Variants in CSMD1 observed in about 807,000 individuals in gnomAD.
The protein encoded by CSMD1 is CUB and Sushi multiple domains 1.
Under a neutral mutation model 417.5 loss-of-function variants are expected in CSMD1, and 213 were observed. The ratio of observed to expected loss-of-function variants is 0.51; its 90% CI spans 0.46 to 0.57. The LOEUF (loss-of-function observed/expected upper bound fraction) is 0.57, where lower values mean the gene tolerates loss of function less well. Among genes scored for constraint, CSMD1 ranks in the 20% least tolerant of loss-of-function variants. The probability of loss-of-function intolerance (pLI) is 0.00; values close to 1 mark genes in which losing one functional copy is unlikely to be tolerated. For synonymous variants in CSMD1, 2,862 were observed against 1,736.8 expected, an observed-to-expected ratio of 1.65 and a Z score of -16.11; for missense variants, 6,923 against 4,529.7, an observed-to-expected ratio of 1.53 and a Z score of -15.17.
intron 1 of CSMD1, among the ~76,000 whole-genome samples, chr8:4,733,971 CT>C (rs1370068813): frequency 6.6e-6 from 1 of 152,156 alleles, no homozygotes; most frequent in Non-Finnish European, 1.5e-5. Context: ...AATTATGCCC[CT>C]ATGCATGTGA....
intron 5 of CSMD1, among the ~76,000 whole-genome samples, chr8:3,939,737 G>A (rs1054716198): frequency 4.6e-5 from 7 of 152,106 alleles, no homozygotes; most frequent in Non-Finnish European, 7.4e-5. Flanking sequence ...TGAACCTGGA[G>A]ACCATTAGTC....
At chr8:3,652,229 C>G (rs778882052) in intron 7 of CSMD1, among the ~76,000 whole-genome samples, 1 of 151,288 alleles carries the variant, frequency 6.6e-6, no homozygotes, top group Non-Finnish European at 1.5e-5. Context: ...GCCATCACCA[C>G]CAGAGCGCCT....
intron 3 of CSMD1, among the ~76,000 whole-genome samples, chr8:4,194,729 C>G (rs992924826): frequency 6.6e-6 from 1 of 151,976 alleles, no homozygotes; most frequent in Non-Finnish European, 1.5e-5. Flanking sequence ...TTATGCTTAA[C>G]AGATTTCATT....
In CSMD1 at chr8:3,893,004, T is replaced by C. The variant is rs146031198; in HGVS notation, c.818+104899A>G. Among the ~76,000 whole-genome samples, 280 of 152,064 alleles carry C rather than the reference T, an allele frequency of 1.8e-3. 4 individuals carry two copies. Among genetic ancestry groups the C allele is most frequent in the African/African-American group, 6.4e-3 (264 of 41,514 alleles). ...TATGACATAACAATCATGGTTCAGT[T>C]TTCACACTGAAAATAACTTGTCAAT... On this transcript the variant is annotated intron_variant, in intron 5 of 69. Transcript: ENST00000635120.
intron 26 of CSMD1, among the ~76,000 whole-genome samples, chr8:3,270,664 G>C (rs551459073): frequency 6.6e-6 from 1 of 152,240 alleles, no homozygotes; most frequent in Admixed American, 6.5e-5. Flanking sequence ...ACAGTATCAA[G>C]TACTTCTGAT....
chr8:4,042,815 T>TAAAAAAAAAAAAA (rs60411612), intron 3 of CSMD1, among the ~76,000 whole-genome samples: 2,027 of 41,270 alleles, frequency 0.049, 469 homozygotes, highest in African/African-American at 0.061. Flanking sequence ...TACAACATAT[T>TAAAAAAAAAAAAA]AAAAAAAAAA....
chr8:3,898,861 C>G lies in CSMD1; in HGVS notation c.818+99042G>C, dbSNP rs191942922. ...GATTTCTCAGGACATAGCTGATAGC[C>G]CCAATACTCTGTTGGTCCCCTTAGG... On this transcript the variant is annotated intron_variant, in intron 5 of 69. Coordinates refer to ENST00000635120, the MANE Select transcript of CSMD1 (RefSeq NM_033225.6). 3.2e-4 allele frequency among the ~76,000 whole-genome samples: 49 copies of G among 152,076 alleles called. 1 individual carries two copies. In the East Asian group the frequency reaches 6.0e-3, roughly 19 times the overall value.
intron 7 of CSMD1, among the ~76,000 whole-genome samples, chr8:3,631,979 T>C (rs1039082033): frequency 6.6e-6 from 1 of 152,230 alleles, no homozygotes; most frequent in African/African-American, 2.4e-5. Flanking sequence ...AAGTTACACA[T>C]TGTACACTTA....
chr8:3,856,799 G>C (rs533094000), intron 5 of CSMD1, among the ~76,000 whole-genome samples: 20 of 152,064 alleles, frequency 1.3e-4, no homozygotes, highest in Admixed American at 2.6e-4. Flanking sequence ...ACAGATACAG[G>C]CTACTCCCTC....
chr8:4,217,238 T>A (rs936647396), intron 3 of CSMD1, among the ~76,000 whole-genome samples: 1 of 152,224 alleles, frequency 6.6e-6, no homozygotes, highest in African/African-American at 2.4e-5. Context: ...TAAAAATGCT[T>A]CTATCTAGAT....
At chr8:3,847,811 C>T (rs1803612037) in intron 5 of CSMD1, among the ~76,000 whole-genome samples, 1 of 152,158 alleles carries the variant, frequency 6.6e-6, no homozygotes, top group African/African-American at 2.4e-5. Context: ...CCAATAATTG[C>T]ACATCAAACC....
intron 5 of CSMD1, among the ~76,000 whole-genome samples, chr8:3,963,149 C>T (rs567480851): frequency 1.3e-5 from 2 of 152,268 alleles, no homozygotes; most frequent in Admixed American, 6.5e-5. Context: ...CTAGGCTTGA[C>T]TCAAACTCCT....
chr8:4,227,116 G>GC (rs1563303712), intron 3 of CSMD1, among the ~76,000 whole-genome samples: 1 of 152,040 alleles, frequency 6.6e-6, no homozygotes, highest in East Asian at 1.9e-4. Context: ...GAAGGAAATC[G>GC]CCCCCAAGAG....
intron 7 of CSMD1, 36 bp downstream of exon 7, chr8:3,708,378 C>T (rs12674750): frequency 0.18 from 281,052 of 1,557,622 alleles, 26,543 homozygotes; most frequent in South Asian, 0.26. Context: ...CTTACAAGGG[C>T]GTATCAATCC....
At chr8:3,020,548 T>G (rs145912766) in intron 51 of CSMD1, among the ~76,000 whole-genome samples, 63 of 152,272 alleles carry the variant, frequency 4.1e-4, no homozygotes, top group African/African-American at 1.5e-3. Flanking sequence ...TTTTAATTTA[T>G]TTTTTGTAGA....
intron 3 of CSMD1, among the ~76,000 whole-genome samples, chr8:4,152,796 A>T (rs953974500): frequency 1.5e-4 from 23 of 152,222 alleles, no homozygotes; most frequent in African/African-American, 4.1e-4. Context: ...TTTTATGGGA[A>T]TATACACACA....
At chr8:4,163,998 G>A (rs761146188) in intron 3 of CSMD1, among the ~76,000 whole-genome samples, 32 of 152,182 alleles carry the variant, frequency 2.1e-4, no homozygotes, top group Admixed American at 4.6e-4. Flanking sequence ...GAATAATCGT[G>A]AGGAGAAATT....
chr8:3,914,360 G>A (rs1463569165), intron 5 of CSMD1, among the ~76,000 whole-genome samples: 7 of 151,868 alleles, frequency 4.6e-5, no homozygotes, highest in Non-Finnish European at 8.8e-5. Flanking sequence ...GTCCCATTAC[G>A]TTGGATAGAT....
intron 3 of CSMD1, among the ~76,000 whole-genome samples, chr8:4,038,453 G>C (rs192035791): frequency 6.6e-6 from 1 of 152,228 alleles, no homozygotes; most frequent in Non-Finnish European, 1.5e-5. Flanking sequence ...CCAAAATATG[G>C]TAATTTAGTG....
Sources: gnomAD v4.1 joint callset for allele counts (sites outside exome capture counted in the v4.1 genomes callset) on GRCh38, gnomAD v4.1.1 for gene constraint, MANE v1.5 for transcripts, NCBI Gene and HGNC (gene_info 2026-07-23, HGNC 2026-07-21) for gene names.